Variants in ZNF592 observed in about 807,000 individuals in gnomAD.
The protein encoded by ZNF592 is spinocerebellar ataxia, autosomal recessive 5.
Under a neutral mutation model 80.3 loss-of-function variants are expected in ZNF592, and 11 were observed. The ratio of observed to expected loss-of-function variants is 0.14; its 90% CI spans 0.09 to 0.23. The LOEUF is 0.23. ZNF592 is among the 10% of genes least tolerant of loss of function. The pLI is 1.00. For missense variants in ZNF592, 1,420 were observed against 1,633.9 expected (o/e 0.87, Z 2.26); for synonymous variants, 646 against 640.3 (o/e 1.01, Z -0.13).
In ZNF592 at chr15:84,799,048, G is replaced by T. The variant is rs1396631796; in HGVS notation, c.3025-50G>T. 2 of 1,609,990 alleles carry T rather than the reference G, an allele frequency of 1.2e-6. No individual in the cohort carries two copies. Among genetic ancestry groups the T allele is most frequent in the African/African-American group, 2.7e-5 (2 of 74,808 alleles). ...GCATCTGAGAAGAAAAATGCACCCA[G>T]AACTATCTTACAGTTCTGATGCTTT... On this transcript the variant is annotated intron_variant, in intron 8 of 10. Transcript: ENST00000560079. The surrounding 1 kb of genome is among the most constrained non-coding windows in gnomAD (Gnocchi z 4.2).
chr15:84,795,331 A>T (rs904917510), intron 5 of ZNF592, among the ~76,000 whole-genome samples: 4 of 152,244 alleles, frequency 2.6e-5, no homozygotes, highest in African/African-American at 9.6e-5. Context: ...ATCTCGTCTT[A>T]AAAAACTGTG....
intron 1 of ZNF592, 113 bp downstream of exon 1, chr15:84,748,777 C>G (rs1476535949): frequency 6.8e-6 from 1 of 147,202 alleles, no homozygotes; most frequent in South Asian, 2.0e-4. Flanking sequence ...CGGGGCCCGG[C>G]CCTGCAGCCT....
chr15:84,792,083 G>C (rs967702351), intron 5 of ZNF592, among the ~76,000 whole-genome samples: 1 of 151,204 alleles, frequency 6.6e-6, no homozygotes, highest in Non-Finnish European at 1.5e-5. Context: ...TGAGGAGAGA[G>C]ACTGAAGACT....
chr15:84,755,307 T>A (rs558188374), intron 1 of ZNF592, among the ~76,000 whole-genome samples: 150 of 152,064 alleles, frequency 9.9e-4, no homozygotes, highest in Non-Finnish European at 1.3e-3. Flanking sequence ...AATTTTTTTT[T>A]ATTTTTTTAA....
At position 84,784,445 on chromosome 15, in the gene ZNF592, G is replaced by A. The variant is rs1188197919; in HGVS notation, c.1770G>A (p.Leu590=). The change falls in exon 4 of 11, where the codon CTG becomes CTA. Residue 590 remains leucine (L), a synonymous_variant. Transcript: ENST00000560079. This position sits in a 1 kb window ranked among gnomAD's most constrained non-coding sequence, Gnocchi z 5.8. ...TGCCGGCCAGTGGGTACTGCTGCCT[G>A]GAGTGTGGAGACGCATTTGCCTTAG... ...IHVPASGYCC[L]ECGDAFALEK... 6.2e-7 allele frequency: 1 copy of A among 1,614,214 alleles called. No individual in the cohort carries two copies. The highest frequency in any genetic ancestry group is 1.1e-5 in the South Asian group (1 of 91,086).
At chr15:84,797,650 C>T (rs537998817) in intron 5 of ZNF592, among the ~76,000 whole-genome samples, 37 of 152,338 alleles carry the variant, frequency 2.4e-4, no homozygotes, top group African/African-American at 8.4e-4. Flanking sequence ...AAGGCGTGGC[C>T]TTGGGCTTGG....
intron 3 of ZNF592, among the ~76,000 whole-genome samples, chr15:84,778,535 G>C (rs933346472): frequency 3.9e-5 from 6 of 152,094 alleles, no homozygotes; most frequent in Admixed American, 6.5e-5. Context: ...AAGGCCGTGG[G>C]AATCTCCATG....
chr15:84,784,732 C>G lies in ZNF592; in HGVS notation c.2057C>G (p.Thr686Ser), dbSNP rs751623984. Residue 686 changes from threonine (T) to serine (S), a missense_variant, in exon 4 of 11, where the codon ACT becomes AGT. Physicochemically the swap from Thr to Ser is moderately conservative, Grantham distance 58. Around this residue, in one of 7 missense-constraint regions of ZNF592, gnomAD observed 524 missense variants for 628.3 expected, o/e 0.83. Transcript: ENST00000560079. The surrounding 1 kb of genome is among the most constrained non-coding windows in gnomAD (Gnocchi z 5.8). Reference protein sequence around the residue: ...APSSSPKHGLTSGSASPPPPA... With the variant: ...APSSSPKHGLSSGSASPPPPA... ...TCATCCTCTCCCAAACATGGCCTCA[C>G]TTCGGGCAGTGCCAGTCCCCCTCCT... The G allele has an allele frequency of 3.1e-6, 5 of 1,614,046 alleles. No individual in the cohort carries two copies. The African/African-American group carries it at 4.0e-5, about 13-fold the overall frequency.
At chr15:84,762,183 C>T (rs1026342043) in intron 1 of ZNF592, among the ~76,000 whole-genome samples, 3 of 152,138 alleles carry the variant, frequency 2.0e-5, no homozygotes, top group Admixed American at 6.5e-5. Context: ...ACAAAATAAA[C>T]ACAAATCTTA....
intron 1 of ZNF592, among the ~76,000 whole-genome samples, chr15:84,761,446 C>T (rs185799807): frequency 1.7e-4 from 26 of 152,268 alleles, no homozygotes; most frequent in East Asian, 3.9e-4. Context: ...TTGGTAATGG[C>T]GGGATGCTCC....
rs1377738208 is a variant in ZNF592 at position 84,750,707 on chromosome 15, A to G, written c.-259+2043A>G. Among the ~76,000 whole-genome samples, 3 of 152,258 alleles carry G rather than the reference A, an allele frequency of 2.0e-5. No homozygotes were observed. In the East Asian group the frequency reaches 5.8e-4, roughly 29 times the overall value. On this transcript the variant is annotated intron_variant, in intron 1 of 10. Coordinates refer to ENST00000560079, the MANE Select transcript of ZNF592 (RefSeq NM_014630.3). The stretch of plus-strand genomic sequence containing the variant: ...ACCGATTTGAGTTGGGGGCTCAGGG[A>G]AGCCTTCCCTGGGGAAGTGATGTTT...
chr15:84,773,058 T>G lies in ZNF592; in HGVS notation c.-149-5125T>G, dbSNP rs183611689. ...GTGTTAAGTCCTTGTTCTTAGTTCC[T>G]CAGAGCCTTTTTTATTTTTAGATTT... On this transcript the variant is annotated intron_variant, in intron 2 of 10. Coordinates refer to ENST00000560079, the MANE Select transcript of ZNF592 (RefSeq NM_014630.3). Among the ~76,000 whole-genome samples the G allele has an allele frequency of 1.4e-3, 210 of 152,294 alleles. 1 individual carries two copies. The highest frequency in any genetic ancestry group is 4.9e-3 in the African/African-American group (203 of 41,570).
At chr15:84,800,123 C>A in intron 10 of ZNF592, 146 bp downstream of exon 10, 1 of 1,257,736 alleles carries the variant, frequency 8.0e-7, no homozygotes, top group Non-Finnish European at 1.1e-6. Context: ...CCTGTGTGAC[C>A]CGCCTGGCAC....
rs758215815 is a variant in ZNF592, at chr15:84,782,857, C to G, written c.182C>G (p.Pro61Arg). Residue 61 changes from proline (P) to arginine (R), a missense_variant, in exon 4 of 11, where the codon CCC becomes CGC. Around this residue, in one of 7 missense-constraint regions of ZNF592, gnomAD observed 373 missense variants for 355.5 expected, o/e 1.05. Transcript: ENST00000560079. ...SVSLSHSGSA[P>R]DVPAVSVIVK... is the part of the protein sequence containing the mutation. ...TCCTTGTCTCACTCAGGATCAGCCCCCGATGTGCCGGCCGTGAGTGTCATT... is the reference window on the plus strand; with the variant it reads ...TCCTTGTCTCACTCAGGATCAGCCCGCGATGTGCCGGCCGTGAGTGTCATT... 1 of 1,614,146 alleles carries G rather than the reference C, an allele frequency of 6.2e-7. No individual in the cohort carries two copies. Among genetic ancestry groups the G allele is most frequent in the South Asian group, 1.1e-5 (1 of 91,078 alleles).
intron 4 of ZNF592, among the ~76,000 whole-genome samples, chr15:84,789,280 G>A (rs1423157351): frequency 6.7e-6 from 1 of 149,968 alleles, no homozygotes; most frequent in African/African-American, 2.4e-5. Context: ...TTTTAAGGCT[G>A]AATAATATTC....
At chr15:84,749,673 G>A (rs993810672) in intron 1 of ZNF592, among the ~76,000 whole-genome samples, 2 of 152,174 alleles carry the variant, frequency 1.3e-5, no homozygotes, top group Non-Finnish European at 2.9e-5. Context: ...GGCCTGTAGG[G>A]TGCTTCTGTC....
At position 84,778,243 on chromosome 15, in the gene ZNF592, A is replaced by G. The variant is rs959685620; in HGVS notation, c.-89A>G. On this transcript the variant is annotated 5_prime_UTR_variant, in exon 3 of 11. Coordinates refer to ENST00000560079, the MANE Select transcript of ZNF592 (RefSeq NM_014630.3). ...AGACAGAAGGAAGACGCTCCCCCGTACGGAGACAGAGGGAGGGGGGGCTCC... is the reference window on the plus strand; with the variant it reads ...AGACAGAAGGAAGACGCTCCCCCGTGCGGAGACAGAGGGAGGGGGGGCTCC... 1.1e-5 allele frequency: 3 copies of G among 263,244 alleles called. No individual in the cohort carries two copies. The highest frequency in any genetic ancestry group is 4.6e-5 in the African/African-American group (2 of 43,278). 16.3% of individuals were successfully genotyped at this position (263,244 alleles called of 1,614,324 possible). A position where few individuals can be genotyped will look rare whatever the true frequency, so the allele number is the denominator to read the frequency against.
At chr15:84,756,984 G>A (rs1899192056) in intron 1 of ZNF592, among the ~76,000 whole-genome samples, 2 of 151,982 alleles carry the variant, frequency 1.3e-5, no homozygotes, top group Admixed American at 6.6e-5. Context: ...ATGGTGGTGC[G>A]CGCCTGTAGT....
chr15:84,772,525 G>A (rs1380701964), intron 2 of ZNF592, among the ~76,000 whole-genome samples: 1 of 152,088 alleles, frequency 6.6e-6, no homozygotes, highest in Non-Finnish European at 1.5e-5. Context: ...ACTCCAGCCT[G>A]GGCAACAGAG....
Sources: gnomAD v4.1 joint callset for allele counts (sites outside exome capture counted in the v4.1 genomes callset) on GRCh38, gnomAD v4.1.1 for gene constraint, gnomAD v4.1.1 regional missense constraint, Gnocchi (gnomAD v3.1) non-coding constraint, MANE v1.5 for transcripts, NCBI Gene and HGNC (gene_info 2026-07-23, HGNC 2026-07-21) for gene names.